Variants in HHIP observed in about 807,000 individuals in gnomAD.
HHIP encodes hedgehog-interacting protein.
In HHIP, 12 loss-of-function variants were observed where a neutral mutation model predicts 74.0. The ratio of observed to expected loss-of-function variants is 0.16; its 90% CI spans 0.10 to 0.26. The LOEUF (loss-of-function observed/expected upper bound fraction) is 0.26, where lower values mean the gene tolerates loss of function less well. HHIP is among the 10% of genes least tolerant of loss of function. The pLI is 1.00. For missense variants in HHIP, 788 were observed against 845.0 expected (o/e 0.93, Z 0.84); for synonymous variants, 309 against 311.6 (o/e 0.99, Z 0.09).
chr4:144,732,009 G>A (rs1184280723), intron 11 of HHIP, among the ~76,000 whole-genome samples: 1 of 152,138 alleles, frequency 6.6e-6, no homozygotes, highest in Non-Finnish European at 1.5e-5. Context: ...TCCCTGAAGA[G>A]CGCAGTACTT....
intron 2 of HHIP, among the ~76,000 whole-genome samples, chr4:144,658,254 C>A (rs890805720): frequency 6.6e-6 from 1 of 152,064 alleles, no homozygotes; most frequent in African/African-American, 2.4e-5. Context: ...TTTTAATACT[C>A]AACACAATAT....
intron 4 of HHIP, among the ~76,000 whole-genome samples, chr4:144,663,002 C>T (rs139290072): frequency 2.0e-5 from 3 of 152,144 alleles, no homozygotes; most frequent in Non-Finnish European, 2.9e-5. Context: ...TTCTTATAGC[C>T]AAGTTGGGTG....
intron 2 of HHIP, among the ~76,000 whole-genome samples, chr4:144,655,504 T>C (rs2635680): frequency 0.99 from 150,504 of 152,256 alleles, 74,409 homozygotes; most frequent in East Asian, 1. Context: ...GTTATTGTAG[T>C]GTGAAATGTC....
intron 11 of HHIP, among the ~76,000 whole-genome samples, chr4:144,721,025 T>TA (rs931807654): frequency 2.6e-5 from 4 of 152,026 alleles, no homozygotes; most frequent in Non-Finnish European, 4.4e-5. Context: ...TCTTGTCAGC[T>TA]AAAAAAACAA....
At chr4:144,653,694 G>C (rs913446088) in intron 2 of HHIP, among the ~76,000 whole-genome samples, 2 of 152,136 alleles carry the variant, frequency 1.3e-5, no homozygotes, top group Non-Finnish European at 2.9e-5. Context: ...AATGCACCAA[G>C]AGAATTTTTT....
intron 4 of HHIP, among the ~76,000 whole-genome samples, chr4:144,665,704 A>G (rs1728841136): frequency 1.3e-5 from 2 of 152,160 alleles, no homozygotes; most frequent in South Asian, 4.1e-4. Flanking sequence ...AATAAGTATA[A>G]GTGTGCATTT....
intron 2 of HHIP, among the ~76,000 whole-genome samples, chr4:144,655,512 G>A (rs564825650): frequency 5.9e-5 from 9 of 152,244 alleles, no homozygotes; most frequent in African/African-American, 1.9e-4. Flanking sequence ...AGTGTGAAAT[G>A]TCTGCACACA....
Position 144,652,767 on chromosome 4 carries a change from T to C in HHIP, c.442T>C (p.Phe148Leu). Residue 148 changes from phenylalanine (F) to leucine (L), a missense_variant, in exon 2 of 13, where the codon TTC becomes CTC. Around this residue, in one of 3 missense-constraint regions of HHIP, gnomAD observed 373 missense variants for 366.4 expected, o/e 1.02. Transcript: ENST00000296575. ...GCTCTGCAAAGACTATTGCAAAGAA[T>C]TCTTTTACACTTGCCGAGGCCATAT... ...PLLCKDYCKE[F>L]FYTCRGHIPG... The C allele has an allele frequency of 6.2e-7, 1 of 1,601,498 alleles. No individual in the cohort carries two copies. The highest frequency in any genetic ancestry group is 8.5e-7 in the Non-Finnish European group (1 of 1,176,748).
chr4:144,688,152 T>C (rs1043790770), intron 4 of HHIP, among the ~76,000 whole-genome samples: 13 of 152,166 alleles, frequency 8.5e-5, no homozygotes, highest in African/African-American at 3.1e-4. Context: ...AACTCTGCTG[T>C]CTTCTGTGAA....
chr4:144,647,006 G>A lies in HHIP; in HGVS notation c.279+52G>A, dbSNP rs777361761. ...CGTACTTGGCATATTGGCTGGGTGG[G>A]GTTCCCTGTGGCTCTGGCAAAGCCG... On this transcript the variant is annotated intron_variant, in intron 1 of 12. Transcript: ENST00000296575. The A allele has an allele frequency of 2.7e-6, 4 of 1,492,038 alleles. No individual in the cohort carries two copies. In the Admixed American group the frequency reaches 8.5e-5, roughly 32 times the overall value. 92.4% of individuals were successfully genotyped at this position (1,492,038 alleles called of 1,614,324 possible). A position where few individuals can be genotyped will look rare whatever the true frequency, so the allele number is the denominator to read the frequency against.
At position 144,714,312 on chromosome 4, in the gene HHIP, G is replaced by T; in HGVS notation, c.1511G>T (p.Arg504Ile). ...GTATACCGGGGCTGCCAGTCAGAAA[G>T]ATTGTATGGAAGCTACGTGTTTGGA... Reference protein sequence around the residue: ...GFVYRGCQSERLYGSYVFGDR... With the variant: ...GFVYRGCQSEILYGSYVFGDR... The change falls in exon 9 of 13, where the codon AGA becomes ATA. Residue 504 changes from arginine to isoleucine, a missense_variant. Around this residue, in one of 3 missense-constraint regions of HHIP, gnomAD observed 343 missense variants for 347.9 expected, o/e 0.99. Coordinates refer to ENST00000296575, the MANE Select transcript of HHIP (RefSeq NM_022475.3). 1 of 1,613,434 alleles carries T rather than the reference G, an allele frequency of 6.2e-7. No homozygotes were observed. Among genetic ancestry groups the T allele is most frequent in the Non-Finnish European group, 8.5e-7 (1 of 1,179,572 alleles).
rs539291039 is a variant in HHIP, at chr4:144,741,702, T to G, written c.*3745T>G. ...CAGCTTCCATTTGCTTTTGATATTG[T>G]TTTTATCTCTGAGTTACAAACTATA... is the stretch of plus-strand genomic sequence containing the variant. On this transcript the variant is annotated 3_prime_UTR_variant, in exon 13 of 13. Coordinates refer to ENST00000296575, the MANE Select transcript of HHIP (RefSeq NM_022475.3). The G allele has an allele frequency of 6.6e-6, 1 of 152,146 alleles. No individual in the cohort carries two copies. Among genetic ancestry groups the G allele is most frequent in the Non-Finnish European group, 1.5e-5 (1 of 68,048 alleles). The allele number at this position is 152,146 out of a possible 1,614,324, so 9.4% of individuals were successfully genotyped here. A position where few individuals can be genotyped will look rare whatever the true frequency, so the allele number is the denominator to read the frequency against.
Position 144,708,304 on chromosome 4 carries a change from C to T in HHIP, c.1294C>T (p.Pro432Ser), listed in dbSNP as rs762637945. 1 of 1,613,954 alleles carries T rather than the reference C, an allele frequency of 6.2e-7. No homozygotes were observed. The highest frequency in any genetic ancestry group is 1.3e-5 in the African/African-American group (1 of 74,908). Residue 432 changes from proline to serine, a missense_variant, in exon 7 of 13, where the codon CCA becomes TCA. By Grantham distance (74) the Pro-to-Ser change is moderately conservative. This residue lies in a region of HHIP where 343 missense variants were observed against 347.9 expected (regional missense o/e 0.99). Transcript: ENST00000296575. ...AGTGTTTGCTCATGGGCTCCACGAT[C>T]CAGGCAGGTGAGAACACAAGTCTGT... is the stretch of plus-strand genomic sequence containing the variant. Reference protein sequence around the residue: ...PEVFAHGLHDPGRCAVDRHPT... With the variant: ...PEVFAHGLHDSGRCAVDRHPT...
chr4:144,671,593 A>G (rs1212559564), intron 4 of HHIP, among the ~76,000 whole-genome samples: 1 of 152,244 alleles, frequency 6.6e-6, no homozygotes, highest in Non-Finnish European at 1.5e-5. Flanking sequence ...GCATAGCCAT[A>G]TCACTCACTC....
At chr4:144,731,187 A>G (rs1297764221) in intron 11 of HHIP, among the ~76,000 whole-genome samples, 1 of 152,104 alleles carries the variant, frequency 6.6e-6, no homozygotes, top group Admixed American at 6.5e-5. Flanking sequence ...TATTTTCCTA[A>G]TATCTTTACA....
intron 10 of HHIP, among the ~76,000 whole-genome samples, chr4:144,716,871 A>AG (rs1730465141): frequency 7.1e-6 from 1 of 140,466 alleles, no homozygotes; most frequent in Non-Finnish European, 1.5e-5. Context: ...AAAAAAAAAA[A>AG]AAAAAAAAAA....
At chr4:144,689,840 G>A (rs528520590) in intron 4 of HHIP, among the ~76,000 whole-genome samples, 2 of 151,820 alleles carry the variant, frequency 1.3e-5, no homozygotes, top group South Asian at 2.1e-4. Context: ...ACGGAGTCTC[G>A]CCCTGTCGCC....
chr4:144,722,674 G>C (rs1386772814), intron 11 of HHIP, among the ~76,000 whole-genome samples: 1 of 152,080 alleles, frequency 6.6e-6, no homozygotes. Context: ...CCAACATGGT[G>C]AAACCCTCTA....
intron 7 of HHIP, 106 bp downstream of exon 7, chr4:144,708,417 A>G (rs1303994295): frequency 1.8e-6 from 2 of 1,128,566 alleles, no homozygotes; most frequent in Non-Finnish European, 2.6e-6. Flanking sequence ...AGCCAAAGGT[A>G]GTATCTAAGG....
Sources: allele counts gnomAD v4.1 joint callset (sites outside exome capture counted in the v4.1 genomes callset), GRCh38; gene constraint gnomAD v4.1.1; regional missense constraint gnomAD v4.1.1; transcripts MANE v1.5; gene names NCBI Gene and HGNC (gene_info 2026-07-23, HGNC 2026-07-21).